The following TRAK2 variants were observed in gnomAD, a reference collection of about 807,000 sequenced individuals.
The protein encoded by TRAK2 is trafficking kinesin protein 2, also known as trafficking kinesin-binding protein 2.
Under a neutral mutation model 104.6 loss-of-function variants are expected in TRAK2, and 81 were observed. The observed-to-expected ratio is 0.77, with a 90% confidence interval of 0.65 to 0.93. The LOEUF (loss-of-function observed/expected upper bound fraction) is 0.93. Ranked by LOEUF, TRAK2 falls within the 40% of genes least tolerant of loss-of-function variation. TRAK2 has a pLI of 0.00. For synonymous variants in TRAK2, 406 were observed against 394.4 expected (o/e 1.03, Z -0.35); for missense variants, 1,002 against 1,089.0 (o/e 0.92, Z 1.12).
chr2:201,388,215 GATA>G (rs1951410430), intron 12 of TRAK2: 1 of 563,420 alleles, frequency 1.8e-6, no homozygotes, highest in African/African-American at 1.9e-5. Flanking sequence ...TGAAAGGCAA[GATA>G]ATACTTTATT....
At chr2:201,444,236 T>C (rs986220897) in intron 1 of TRAK2, among the ~76,000 whole-genome samples, 5 of 151,508 alleles carry the variant, frequency 3.3e-5, no homozygotes, top group African/African-American at 9.7e-5. Flanking sequence ...TAAAAAATAA[T>C]AATAATACTT....
intron 1 of TRAK2, among the ~76,000 whole-genome samples, chr2:201,436,418 G>A (rs1467107152): frequency 1.3e-5 from 2 of 152,106 alleles, no homozygotes; most frequent in African/African-American, 4.8e-5. Flanking sequence ...ACCATTGGCC[G>A]AAAACCTGGA....
intron 8 of TRAK2, 97 bp downstream of exon 8, chr2:201,395,217 C>T (rs1243691329): frequency 9.5e-7 from 1 of 1,049,522 alleles, no homozygotes; most frequent in Non-Finnish European, 1.4e-6. Context: ...AGGGCAGGGA[C>T]AATGTTTATT....
intron 1 of TRAK2, among the ~76,000 whole-genome samples, chr2:201,423,870 A>G (rs565758610): frequency 1.3e-5 from 2 of 152,306 alleles, no homozygotes; most frequent in Non-Finnish European, 2.9e-5. Context: ...GAAAAAAAAG[A>G]TTATATTTTA....
chr2:201,410,786 T>C, intron 2 of TRAK2: 6 of 1,606,190 alleles, frequency 3.7e-6, no homozygotes, highest in Non-Finnish European at 3.4e-6. Context: ...ATGCTAACTT[T>C]GGGTTTCTGA....
chr2:201,416,592 T>C (rs1951693566), intron 2 of TRAK2, among the ~76,000 whole-genome samples: 1 of 152,114 alleles, frequency 6.6e-6, no homozygotes, highest in Non-Finnish European at 1.5e-5. Flanking sequence ...ATTTTCATAA[T>C]TTATTTAATT....
At chr2:201,398,488 T>C (rs1951521747) in intron 5 of TRAK2, 134 bp from the exon 6 acceptor site, 1 of 778,130 alleles carries the variant, frequency 1.3e-6, no homozygotes, top group Non-Finnish European at 2.0e-6. Flanking sequence ...TTTTACTGAC[T>C]AACGCAACAA....
chr2:201,383,969 A>G, intron 15 of TRAK2, 142 bp downstream of exon 15: 1 of 626,966 alleles, frequency 1.6e-6, no homozygotes, highest in Non-Finnish European at 2.8e-6. Context: ...AGAAAATGCA[A>G]TGTGAAAATA....
chr2:201,398,473 C>T, intron 5 of TRAK2, 119 bp from the exon 6 acceptor site: 1 of 903,806 alleles, frequency 1.1e-6, no homozygotes, highest in Non-Finnish European at 1.6e-6. Context: ...AAATCAGCTG[C>T]TAGGTTTTAC....
At chr2:201,385,524 G>C (rs935960246) in intron 14 of TRAK2, among the ~76,000 whole-genome samples, 4 of 152,068 alleles carry the variant, frequency 2.6e-5, no homozygotes, top group Admixed American at 1.3e-4. Context: ...TTCATTGTTA[G>C]GGTTTCAGAT....
intron 14 of TRAK2, among the ~76,000 whole-genome samples, chr2:201,384,869 T>C (rs1951374504): frequency 6.6e-6 from 1 of 152,222 alleles, no homozygotes. Context: ...GGGAAGGATG[T>C]ATTAAGCACT....
Position 201,387,724 on chromosome 2 carries a change from G to C in TRAK2, c.1675C>G (p.Gln559Glu). Residue 559 changes from glutamine (Q) to glutamate (E), a missense_variant, in exon 13 of 16, where the codon CAA (glutamine) becomes GAA (glutamate). By Grantham distance (29) the Gln-to-Glu change is conservative. Coordinates refer to ENST00000332624, the MANE Select transcript of TRAK2 (RefSeq NM_015049.3). Reference protein sequence around the residue: ...CLRGFMPEKLQIVKPLEGSQT... With the variant: ...CLRGFMPEKLEIVKPLEGSQT... ...TTACCTTCAAGGGGCTTGACAATTTGTAATTTTTCTGGCATAAAACCTCGA... is the reference window on the plus strand; with the variant it reads ...TTACCTTCAAGGGGCTTGACAATTTCTAATTTTTCTGGCATAAAACCTCGA... 6.2e-7 allele frequency: 1 copy of C among 1,607,696 alleles called. No individual in the cohort carries two copies.
At chr2:201,412,296 A>T in intron 2 of TRAK2, 1 of 1,254,590 alleles carries the variant, frequency 8.0e-7, no homozygotes, top group Non-Finnish European at 1.2e-6. Context: ...GGAATAAGGT[A>T]TCAAAATATT....
At chr2:201,436,770 G>A (rs1289365269) in intron 1 of TRAK2, among the ~76,000 whole-genome samples, 4 of 152,086 alleles carry the variant, frequency 2.6e-5, no homozygotes, top group Non-Finnish European at 5.9e-5. Flanking sequence ...CATATGATCA[G>A]TGTCAAAAGA....
intron 1 of TRAK2, among the ~76,000 whole-genome samples, chr2:201,424,956 T>C (rs1325772357): frequency 2.6e-5 from 4 of 152,188 alleles, no homozygotes; most frequent in African/African-American, 7.2e-5. Flanking sequence ...TTTTATACTT[T>C]CAAATGGCTG....
chr2:201,431,200 C>T (rs1271116194), intron 1 of TRAK2, among the ~76,000 whole-genome samples: 2 of 152,178 alleles, frequency 1.3e-5, no homozygotes, highest in Admixed American at 6.5e-5. Context: ...GGAAGGTTTG[C>T]TAATAACAAA....
At chr2:201,396,799 T>C (rs1209659615) in intron 7 of TRAK2, among the ~76,000 whole-genome samples, 2 of 152,132 alleles carry the variant, frequency 1.3e-5, no homozygotes, top group African/African-American at 4.8e-5. Context: ...ATTCATATCC[T>C]GGGAAGTATG....
intron 3 of TRAK2, among the ~76,000 whole-genome samples, chr2:201,404,791 A>G (rs960450276): frequency 1.3e-5 from 2 of 152,224 alleles, no homozygotes; most frequent in Admixed American, 6.5e-5. Context: ...CAAAATAGAA[A>G]TGAAACACAA....
At chr2:201,400,120 A>G (rs1244211710) in intron 4 of TRAK2, among the ~76,000 whole-genome samples, 1 of 121,026 alleles carries the variant, frequency 8.3e-6, no homozygotes, top group Non-Finnish European at 1.9e-5. Context: ...TAGAGAAGAA[A>G]GAAGTCTCAA....
Sources: gnomAD v4.1 joint callset for allele counts (sites outside exome capture counted in the v4.1 genomes callset) on GRCh38, gnomAD v4.1.1 for gene constraint, MANE v1.5 for transcripts, NCBI Gene and HGNC (gene_info 2026-07-23, HGNC 2026-07-21) for gene names.